Variants in PMS1 observed in about 807,000 individuals in gnomAD.
The protein encoded by PMS1 is PMS1 homolog 1, mismatch repair system component, also known as PMS1 protein homolog 1.
A neutral mutation model predicts 93.1 loss-of-function variants in PMS1; 79 were observed. The ratio of observed to expected loss-of-function variants is 0.85; its 90% CI spans 0.71 to 1.02. The LOEUF is 1.02. Among genes scored for constraint, PMS1 ranks in the 50% least tolerant of loss-of-function variants. The pLI is 0.00. For synonymous variants in PMS1, 335 were observed against 363.4 expected (o/e 0.92, Z 0.89); for missense variants, 1,064 against 1,085.3 (o/e 0.98, Z 0.28).
chr2:189,833,713 A>AC (rs574799355), intron 5 of PMS1, among the ~76,000 whole-genome samples: 63 of 152,052 alleles, frequency 4.1e-4, no homozygotes, highest in African/African-American at 1.3e-3. Context: ...AAAAACCTGA[A>AC]CCCCCCCTAC....
At chr2:189,868,432 T>C (rs2056858504) in intron 11 of PMS1, among the ~76,000 whole-genome samples, 1 of 152,208 alleles carries the variant, frequency 6.6e-6, no homozygotes, top group Non-Finnish European at 1.5e-5. Flanking sequence ...AGTATGGAAA[T>C]TCATTGGGTG....
intron 5 of PMS1, among the ~76,000 whole-genome samples, chr2:189,825,243 A>G (rs1312255638): frequency 1.3e-5 from 2 of 152,186 alleles, no homozygotes; most frequent in Non-Finnish European, 2.9e-5. Context: ...CCTTGAAAGC[A>G]TAGTGAATAA....
intron 5 of PMS1, among the ~76,000 whole-genome samples, chr2:189,821,537 G>A (rs569625447): frequency 4.0e-5 from 6 of 148,386 alleles, no homozygotes; most frequent in South Asian, 2.2e-4. Flanking sequence ...GGCTGGGTCC[G>A]GTGGCTCACA....
chr2:189,807,680 T>C (rs2050472034), intron 4 of PMS1, among the ~76,000 whole-genome samples: 1 of 152,254 alleles, frequency 6.6e-6, no homozygotes, highest in Admixed American at 6.5e-5. Context: ...CCATCTGATC[T>C]TTGCCCTTTT....
intron 9 of PMS1, among the ~76,000 whole-genome samples, chr2:189,861,657 GA>G (rs1050900308): frequency 1.3e-5 from 2 of 151,272 alleles, no homozygotes; most frequent in African/African-American, 2.4e-5. Context: ...GCTGAGGCAG[GA>G]AAATCGCTTA....
chr2:189,862,116 A>G (rs960848413), intron 9 of PMS1, among the ~76,000 whole-genome samples: 4 of 152,006 alleles, frequency 2.6e-5, no homozygotes, highest in Admixed American at 6.6e-5. Flanking sequence ...CCAATGACAT[A>G]TATATTAGAT....
intron 5 of PMS1, among the ~76,000 whole-genome samples, chr2:189,827,410 A>T (rs1212845876): frequency 6.6e-6 from 1 of 152,132 alleles, no homozygotes; most frequent in Admixed American, 6.6e-5. Flanking sequence ...ATTTTTAAGG[A>T]TGTTTACATA....
chr2:189,815,236 C>T (rs1410589702), intron 4 of PMS1, among the ~76,000 whole-genome samples: 2 of 152,084 alleles, frequency 1.3e-5, no homozygotes, highest in Non-Finnish European at 2.9e-5. Context: ...GGAAGGACAT[C>T]GGTAGGAGAG....
intron 5 of PMS1, among the ~76,000 whole-genome samples, chr2:189,823,149 T>C: frequency 6.6e-6 from 1 of 152,128 alleles, no homozygotes. Flanking sequence ...AAACTTTGGA[T>C]CTTTAAAAAC....
intron 3 of PMS1, among the ~76,000 whole-genome samples, chr2:189,803,222 G>T (rs752314356): frequency 6.6e-6 from 1 of 151,922 alleles, no homozygotes; most frequent in Non-Finnish European, 1.5e-5. Context: ...TTGTCAAGAG[G>T]ATTTTTACCT....
At chr2:189,829,319 A>T (rs2052721734) in intron 5 of PMS1, among the ~76,000 whole-genome samples, 1 of 152,216 alleles carries the variant, frequency 6.6e-6, no homozygotes, top group Non-Finnish European at 1.5e-5. Flanking sequence ...CACTCACTCC[A>T]TAATTTCACT....
intron 4 of PMS1, among the ~76,000 whole-genome samples, chr2:189,808,871 A>G (rs2050579798): frequency 6.6e-6 from 1 of 152,248 alleles, no homozygotes; most frequent in Non-Finnish European, 1.5e-5. Flanking sequence ...AAGAACATGG[A>G]GTAAATTAAT....
rs746884261 is a variant in PMS1 at position 189,844,007 on chromosome 2, C to T, written c.626C>T (p.Ala209Val). The part of the protein sequence containing the change: ...QKSRVSDHKM[A>V]LMSVLGTAVM... ...AGCAGAGTATCAGATCACAAGATGG[C>T]TCTCATGTCAGTTCTGGGGACTGCT... Residue 209 changes from alanine (A) to valine (V), a missense_variant, in exon 6 of 13, where the codon GCT (alanine) becomes GTT (valine). Coordinates refer to ENST00000441310, the MANE Select transcript of PMS1 (RefSeq NM_000534.5). 9 of 1,613,866 alleles carry T rather than the reference C, an allele frequency of 5.6e-6. No homozygotes were observed. Among genetic ancestry groups the T allele is most frequent in the Admixed American group, 1.7e-5 (1 of 60,002 alleles).
chr2:189,820,459 G>T (rs1022297180), intron 5 of PMS1, among the ~76,000 whole-genome samples: 1 of 151,960 alleles, frequency 6.6e-6, no homozygotes, highest in African/African-American at 2.4e-5. Flanking sequence ...CACCATGCCT[G>T]GCTCATTTTT....
intron 9 of PMS1, among the ~76,000 whole-genome samples, chr2:189,863,259 T>G (rs10186383): frequency 2.2e-5 from 3 of 137,268 alleles, no homozygotes; most frequent in Non-Finnish European, 3.2e-5. Flanking sequence ...TTTTTTTTGG[T>G]TTTTTTTTTT....
chr2:189,812,331 A>G (rs2050919155), intron 4 of PMS1, among the ~76,000 whole-genome samples: 1 of 152,166 alleles, frequency 6.6e-6, no homozygotes, highest in African/African-American at 2.4e-5. Flanking sequence ...ACAAAATTTG[A>G]TTTAGACTTC....
intron 5 of PMS1, among the ~76,000 whole-genome samples, chr2:189,827,760 A>T (rs2052562863): frequency 6.6e-6 from 1 of 152,122 alleles, no homozygotes; most frequent in African/African-American, 2.4e-5. Flanking sequence ...GACAAATACC[A>T]CATGATCTCA....
intron 5 of PMS1, among the ~76,000 whole-genome samples, chr2:189,834,696 T>C (rs1440155160): frequency 1.3e-5 from 2 of 152,224 alleles, no homozygotes; most frequent in East Asian, 3.8e-4. Context: ...AGAGATTAAC[T>C]TTATACCTTT....
chr2:189,795,865 A>T lies in PMS1; in HGVS notation c.229A>T (p.Lys77Ter). 6.2e-7 allele frequency: 1 copy of T among 1,613,550 alleles called. No individual in the cohort carries two copies. The highest frequency in any genetic ancestry group is 8.5e-7 in the Non-Finnish European group (1 of 1,179,466). Residue 77 changes from lysine (K) to a stop codon, truncating the protein, a stop_gained, in exon 3 of 13, where the codon AAA (lysine) becomes TAA (stop). Coordinates refer to ENST00000441310, the MANE Select transcript of PMS1 (RefSeq NM_000534.5). LOFTEE classifies it high-confidence loss of function. ...PVMAMKYYTS[K>*]INSHEDLENL... is the part of the protein sequence containing the mutation. ...AATGGCAATGAAGTACTACACCTCA[A>T]AAATAAATAGTCATGAAGATCTTGA...
Sources: allele counts gnomAD v4.1 joint callset (sites outside exome capture counted in the v4.1 genomes callset), GRCh38; gene constraint gnomAD v4.1.1; transcripts MANE v1.5; gene names NCBI Gene and HGNC (gene_info 2026-07-23, HGNC 2026-07-21).